Variants in FGFR1 observed in about 807,000 individuals in gnomAD.
FGFR1 encodes the protein fibroblast growth factor receptor 1.
In FGFR1, 18 loss-of-function variants were observed where a neutral mutation model predicts 93.7. The observed-to-expected ratio is 0.19, with a 90% CI of 0.13 to 0.28. The LOEUF (loss-of-function observed/expected upper bound fraction) is 0.28. FGFR1 is among the 10% of genes least tolerant of loss of function. The probability of loss-of-function intolerance (pLI) is 1.00; values close to 1 mark genes in which losing one functional copy is unlikely to be tolerated. For missense variants in FGFR1, 731 were observed against 1,080.4 expected (o/e 0.68, Z 4.53); for synonymous variants, 448 against 429.3 (o/e 1.04, Z -0.54).
chr8:38,454,978 T>G (rs1041131614), intron 2 of FGFR1, among the ~76,000 whole-genome samples: 2 of 147,292 alleles, frequency 1.4e-5, no homozygotes, highest in African/African-American at 5.0e-5. Flanking sequence ...TCTTGCTTTT[T>G]TTTTTTTTTT....
In FGFR1 at chr8:38,413,618, TG is replaced by T. The variant is rs2150502926; in HGVS notation, c.*9del. 6.2e-7 allele frequency: 1 copy of T among 1,602,266 alleles called. No individual in the cohort carries two copies. Among genetic ancestry groups the T allele is most frequent in the Non-Finnish European group, 8.5e-7 (1 of 1,175,478 alleles). On this transcript the variant is annotated 3_prime_UTR_variant, in exon 18 of 18. Coordinates refer to ENST00000447712, the MANE Select transcript of FGFR1 (RefSeq NM_023110.3). The surrounding 1 kb of genome is among the most constrained non-coding windows in gnomAD (Gnocchi z 4.2). Reference sequence around the variant, plus strand: ...GACGGTGGAGTCTGGGGAGGGCGTGTGGGTGGCAGTCAGCGGCGTTTGAGTC... The same window carrying T: ...GACGGTGGAGTCTGGGGAGGGCGTGTGGTGGCAGTCAGCGGCGTTTGAGTC...
At chr8:38,415,269 A>G (rs556354615) in intron 13 of FGFR1, among the ~76,000 whole-genome samples, 1 of 152,104 alleles carries the variant, frequency 6.6e-6, no homozygotes, top group African/African-American at 2.4e-5. Context: ...TTTTATCTTC[A>G]TAACAATTCT....
At chr8:38,448,629 T>C (rs978165193) in intron 2 of FGFR1, among the ~76,000 whole-genome samples, 2 of 152,128 alleles carry the variant, frequency 1.3e-5, no homozygotes, top group Non-Finnish European at 1.5e-5. Flanking sequence ...CTCCACATAA[T>C]GTGAGGCAGA....
chr8:38,430,832 C>T (rs1015228129), intron 2 of FGFR1: 6 of 152,254 alleles, frequency 3.9e-5, no homozygotes, highest in Non-Finnish European at 8.8e-5. Flanking sequence ...CTCACAAGAT[C>T]TGATACCACC....
In FGFR1 at chr8:38,426,018, G is replaced by T; in HGVS notation, c.745+104C>A. ...GTGACAAAGCCAAGAAGTGCCAATC[G>T]CTATCCTGACTCTGCCCCTAAGAAA... is the stretch of plus-strand genomic sequence containing the variant. On this transcript the variant is annotated intron_variant, in intron 6 of 17. Transcript: ENST00000447712. This position sits in a 1 kb window ranked among gnomAD's most constrained non-coding sequence, Gnocchi z 4.1. The T allele has an allele frequency of 6.6e-7, 1 of 1,511,564 alleles. No homozygotes were observed. Among genetic ancestry groups the T allele is most frequent in the Non-Finnish European group, 9.1e-7 (1 of 1,093,090 alleles). 93.6% of individuals were successfully genotyped at this position (1,511,564 alleles called of 1,614,324 possible). A position where few individuals can be genotyped will look rare whatever the true frequency, so the allele number is the denominator to read the frequency against.
intron 2 of FGFR1, among the ~76,000 whole-genome samples, chr8:38,438,116 C>A (rs1297261924): frequency 6.6e-6 from 1 of 152,254 alleles, no homozygotes; most frequent in African/African-American, 2.4e-5. Context: ...CCTCCCATTT[C>A]ATCCTCATAG....
chr8:38,429,600 G>T lies in FGFR1; in HGVS notation c.358+82C>A, dbSNP rs1563512720. 2.1e-6 allele frequency: 3 copies of T among 1,441,510 alleles called. No individual in the cohort carries two copies. The highest frequency in any genetic ancestry group is 5.0e-5 in the East Asian group (2 of 40,104). The allele number at this position is 1,441,510 out of a possible 1,614,324, so 89.3% of individuals were successfully genotyped here. A position where few individuals can be genotyped will look rare whatever the true frequency, so the allele number is the denominator to read the frequency against. ...GGGGGCAGATCACGGAGGGGGAGGA[G>T]GTTCACCTTCCTCTGAAACTGGCAG... On this transcript the variant is annotated intron_variant, in intron 3 of 17. Transcript: ENST00000447712. This position sits in a 1 kb window ranked among gnomAD's most constrained non-coding sequence, Gnocchi z 4.4.
chr8:38,412,394 T>C lies in FGFR1; in HGVS notation c.*1234A>G, dbSNP rs1024151274. On this transcript the variant is annotated 3_prime_UTR_variant, in exon 18 of 18. Transcript: ENST00000447712. Reference sequence around the variant, plus strand: ...GCTCTACCCCGTGGCTATTCCTAGGTAGGTGCCCCCTCCCCAGCCCAACCC... The same window carrying C: ...GCTCTACCCCGTGGCTATTCCTAGGCAGGTGCCCCCTCCCCAGCCCAACCC... 3.0e-5 allele frequency: 7 copies of C among 232,452 alleles called. No individual in the cohort carries two copies. In the East Asian group the frequency reaches 4.2e-4, roughly 14 times the overall value. 14.4% of individuals were successfully genotyped at this position (232,452 alleles called of 1,614,324 possible). A position where few individuals can be genotyped will look rare whatever the true frequency, so the allele number is the denominator to read the frequency against.
intron 1 of FGFR1, chr8:38,460,963 G>T: frequency 8.7e-7 from 1 of 1,147,436 alleles, no homozygotes. Flanking sequence ...CCTGCAGCTG[G>T]TTCCCCCCGC....
At position 38,417,850 on chromosome 8, in the gene FGFR1, A is replaced by G. The variant is rs2150646420; in HGVS notation, c.1552+20T>C. ...GGAATGGGACAAGATTTTCTTTGCA[A>G]GGACAGAAGCATCACTTACACTTCA... is the stretch of plus-strand genomic sequence containing the variant. On this transcript the variant is annotated intron_variant, in intron 11 of 17. Coordinates refer to ENST00000447712, the MANE Select transcript of FGFR1 (RefSeq NM_023110.3). 1 of 1,614,186 alleles carries G rather than the reference A, an allele frequency of 6.2e-7. No homozygotes were observed. The highest frequency in any genetic ancestry group is 8.5e-7 in the Non-Finnish European group (1 of 1,180,032).
chr8:38,444,991 CTG>C (rs1221954963), intron 2 of FGFR1, among the ~76,000 whole-genome samples: 1 of 152,176 alleles, frequency 6.6e-6, no homozygotes. Flanking sequence ...TGATCACTTA[CTG>C]TGTGACCTCA....
In FGFR1 at chr8:38,454,769, G is replaced by A. The variant is rs150966439; in HGVS notation, c.91+2587C>T. On this transcript the variant is annotated intron_variant, in intron 2 of 17. Coordinates refer to ENST00000447712, the MANE Select transcript of FGFR1 (RefSeq NM_023110.3). ...ACAGATGAGCAAACTGTGACGTATG[G>A]TGTTTGAGTAGTTTGTTGAAGTAAA... is the stretch of plus-strand genomic sequence containing the variant. Among the ~76,000 whole-genome samples, 28 of 152,226 alleles carry A rather than the reference G, an allele frequency of 1.8e-4. No individual in the cohort carries two copies. The East Asian group carries it at 4.8e-3, about 26-fold the overall frequency.
intron 1 of FGFR1, among the ~76,000 whole-genome samples, chr8:38,459,619 T>C (rs1176388692): frequency 6.6e-6 from 1 of 152,162 alleles, no homozygotes; most frequent in Non-Finnish European, 1.5e-5. Context: ...TATAAACTTA[T>C]GGGGGATAAG....
intron 2 of FGFR1, among the ~76,000 whole-genome samples, chr8:38,430,992 A>G (rs1822891151): frequency 6.6e-6 from 1 of 152,034 alleles, no homozygotes; most frequent in African/African-American, 2.4e-5. Context: ...TGAACTTTCT[A>G]TTTCCTTTTA....
chr8:38,464,014 T>C (rs1369845675), intron 1 of FGFR1, among the ~76,000 whole-genome samples: 1 of 151,448 alleles, frequency 6.6e-6, no homozygotes, highest in Admixed American at 6.6e-5. Flanking sequence ...AAGAGACATA[T>C]AAAAAATTAG....
In FGFR1 at chr8:38,411,521, T is replaced by C. The variant is rs1056050085; in HGVS notation, c.*2107A>G. 2 of 228,592 alleles carry C rather than the reference T, an allele frequency of 8.7e-6. No homozygotes were observed. Among genetic ancestry groups the C allele is most frequent in the African/African-American group, 2.2e-5 (1 of 45,128 alleles). 14.2% of individuals were successfully genotyped at this position (228,592 alleles called of 1,614,324 possible). ...GAGAGAAACAAAGAGAATTTTACAA[T>C]AGTCGCCAACACTGCAGCTGCCAAA... is the stretch of plus-strand genomic sequence containing the variant. On this transcript the variant is annotated 3_prime_UTR_variant, in exon 18 of 18. Coordinates refer to ENST00000447712, the MANE Select transcript of FGFR1 (RefSeq NM_023110.3).
At chr8:38,451,709 G>A (rs746123393) in intron 2 of FGFR1, among the ~76,000 whole-genome samples, 68 of 152,178 alleles carry the variant, frequency 4.5e-4, no homozygotes, top group Admixed American at 1.0e-3. Flanking sequence ...GTAAAACTCA[G>A]CCCATTAAAT....
intron 1 of FGFR1, among the ~76,000 whole-genome samples, chr8:38,464,312 C>CAAAA (rs56133772): frequency 9.7e-5 from 8 of 82,378 alleles, no homozygotes; most frequent in African/African-American, 2.3e-4. Context: ...GAGACTATCT[C>CAAAA]AAAAAAAAAA....
intron 10 of FGFR1, 39 bp from the exon 11 acceptor site, chr8:38,418,030 G>A (rs773493997): frequency 6.2e-7 from 1 of 1,613,836 alleles, no homozygotes; most frequent in East Asian, 2.2e-5. Context: ...GTTGGGGCTG[G>A]TGAAGTTCAA....
Sources: allele counts gnomAD v4.1 joint callset (sites outside exome capture counted in the v4.1 genomes callset), GRCh38; gene constraint gnomAD v4.1.1; non-coding constraint Gnocchi (gnomAD v3.1); transcripts MANE v1.5; gene names NCBI Gene and HGNC (gene_info 2026-07-23, HGNC 2026-07-21).